CDC42EP2: variants seen among roughly 807,000 people sequenced by gnomAD.
The protein encoded by CDC42EP2 is CDC42 effector protein (Rho GTPase binding) 2.
In CDC42EP2, 5 loss-of-function variants were observed where a neutral mutation model predicts 7.3. The observed-to-expected ratio is 0.68, with a 90% CI of 0.36 to 1.44. The LOEUF is 1.44. Ranked by LOEUF, CDC42EP2 falls within the 40% of genes most tolerant of loss-of-function variation. The pLI is 0.04. For missense variants in CDC42EP2, 251 were observed against 282.6 expected, an observed-to-expected ratio of 0.89 and a Z score of 0.80; for synonymous variants, 113 against 123.6, an observed-to-expected ratio of 0.91 and a Z score of 0.57.
Position 65,320,801 on chromosome 11 carries a change from C to T in CDC42EP2, c.-98C>T, listed in dbSNP as rs553781731. ...GAGCTCTGGCACCTGCAAACCACCC[C>T]GTGGAACGAGTGTTTCCTCTGGCTG... is the stretch of plus-strand genomic sequence containing the variant. On this transcript the variant is annotated 5_prime_UTR_variant, in exon 2 of 2. Transcript: ENST00000279249. The T allele has an allele frequency of 3.1e-5, 42 of 1,348,798 alleles. 1 individual carries two copies. Among genetic ancestry groups the T allele is most frequent in the South Asian group, 8.5e-5 (6 of 70,530 alleles). The allele number at this position is 1,348,798 out of a possible 1,614,324, so 83.6% of individuals were successfully genotyped here. A position where few individuals can be genotyped will look rare whatever the true frequency, so the allele number is the denominator to read the frequency against.
At chr11:65,317,915 C>T (rs991585016) in intron 1 of CDC42EP2, among the ~76,000 whole-genome samples, 1 of 152,022 alleles carries the variant, frequency 6.6e-6, no homozygotes, top group East Asian at 1.9e-4. Context: ...ATATTACACA[C>T]ATTTATCATG....
intron 1 of CDC42EP2, among the ~76,000 whole-genome samples, chr11:65,316,244 G>A (rs941761486): frequency 1.3e-5 from 2 of 152,120 alleles, no homozygotes; most frequent in Non-Finnish European, 2.9e-5. Context: ...CCTGCCTGCC[G>A]GAAGTCATTT....
Position 65,315,774 on chromosome 11 carries a change from C to T in CDC42EP2, c.-356+820C>T, listed in dbSNP as rs1223388467. On this transcript the variant is annotated intron_variant, in intron 1 of 1. Transcript: ENST00000279249. The surrounding 1 kb of genome is among the most constrained non-coding windows in gnomAD (Gnocchi z 4.1). ...CTGGCGGCCGCGGAGCCGGGCACCT[C>T]TCCGGAGGCACCGGGACCCCGGGAG... Among the ~76,000 whole-genome samples the T allele has an allele frequency of 3.9e-5, 6 of 152,210 alleles. No individual in the cohort carries two copies. Among genetic ancestry groups the T allele is most frequent in the Admixed American group, 3.9e-4 (6 of 15,290 alleles).
Position 65,315,195 on chromosome 11 carries a change from A to G in CDC42EP2, c.-356+241A>G, listed in dbSNP as rs904643916. Among the ~76,000 whole-genome samples the G allele has an allele frequency of 2.0e-5, 3 of 151,762 alleles. No individual in the cohort carries two copies. Among genetic ancestry groups the G allele is most frequent in the South Asian group, 2.1e-4 (1 of 4,826 alleles). On this transcript the variant is annotated intron_variant, in intron 1 of 1. Coordinates refer to ENST00000279249, the MANE Select transcript of CDC42EP2 (RefSeq NM_006779.4). The surrounding 1 kb of genome is among the most constrained non-coding windows in gnomAD (Gnocchi z 4.1). ...CCCCGAATTCCCCGTTCTGCCCTCCATTTTGTGTCCGGGCCCCCGCCCCCC... is the reference window on the plus strand; with the variant it reads ...CCCCGAATTCCCCGTTCTGCCCTCCGTTTTGTGTCCGGGCCCCCGCCCCCC...
Position 65,320,930 on chromosome 11 carries a change from G to T in CDC42EP2, c.32G>T (p.Arg11Leu), listed in dbSNP as rs143861143. MSTKVPIYLKRGSRKGKKEKL... is the reference protein window; with the variant it reads MSTKVPIYLKLGSRKGKKEKL... ...ACCAAGGTGCCCATCTATCTGAAGC[G>T]TGGCAGTCGCAAGGGCAAGAAGGAG... The change falls in exon 2 of 2, where the codon CGT becomes CTT. Residue 11 changes from arginine (R) to leucine (L), a missense_variant. Transcript: ENST00000279249. 1.2e-6 allele frequency: 2 copies of T among 1,608,988 alleles called. No individual in the cohort carries two copies. The highest frequency in any genetic ancestry group is 1.7e-6 in the Non-Finnish European group (2 of 1,175,962).
At chr11:65,319,504 G>A (rs1420877894) in intron 1 of CDC42EP2, among the ~76,000 whole-genome samples, 6 of 152,158 alleles carry the variant, frequency 3.9e-5, no homozygotes, top group East Asian at 1.9e-4. Context: ...TGCAAAGAGC[G>A]CAGAAGAATT....
chr11:65,321,477 T>A lies in CDC42EP2; in HGVS notation c.579T>A (p.Asp193Glu). Reference sequence around the variant, plus strand: ...TGGACCTGGGGCCTTCCATCCTGGATGATGTCCTGCAGATCATGGATCAGG... The same window carrying A: ...TGGACCTGGGGCCTTCCATCCTGGAAGATGTCCTGCAGATCATGGATCAGG... Reference protein sequence around the residue: ...LHVDLGPSILDDVLQIMDQDL... With the variant: ...LHVDLGPSILEDVLQIMDQDL... The change falls in exon 2 of 2, where the codon GAT becomes GAA. Residue 193 changes from aspartate (D) to glutamate (E), a missense_variant. By Grantham distance (45) the Asp-to-Glu change is conservative (BLOSUM62 2). Transcript: ENST00000279249. This position sits in a 1 kb window ranked among gnomAD's most constrained non-coding sequence, Gnocchi z 4.4. 6.2e-7 allele frequency: 1 copy of A among 1,613,760 alleles called. No homozygotes were observed. The highest frequency in any genetic ancestry group is 8.5e-7 in the Non-Finnish European group (1 of 1,179,994).
intron 1 of CDC42EP2, among the ~76,000 whole-genome samples, chr11:65,316,263 G>A (rs1438152126): frequency 5.3e-5 from 8 of 152,104 alleles, no homozygotes; most frequent in Non-Finnish European, 1.2e-4. Flanking sequence ...TTTCTCATTG[G>A]GAGGTCCAGG....
Position 65,321,188 on chromosome 11 carries a change from C to T in CDC42EP2, c.290C>T (p.Pro97Leu), listed in dbSNP as rs763526695. The change falls in exon 2 of 2, where the codon CCG (proline) becomes CTG (leucine). Residue 97 changes from proline (P) to leucine (L), a missense_variant. Physicochemically the swap from Pro to Leu is moderately conservative, Grantham distance 98. Coordinates refer to ENST00000279249, the MANE Select transcript of CDC42EP2 (RefSeq NM_006779.4). This position sits in a 1 kb window ranked among gnomAD's most constrained non-coding sequence, Gnocchi z 4.4. ...GCCACCGTGTGTGGGCGGGAGCTCC[C>T]GGACGGCCCATCCCCTCTGCTCAAG... ...RTATVCGREL[P>L]DGPSPLLKNA... 8.1e-6 allele frequency: 13 copies of T among 1,614,028 alleles called. No homozygotes were observed. The highest frequency in any genetic ancestry group is 1.0e-5 in the Non-Finnish European group (12 of 1,179,974).
chr11:65,318,644 C>T (rs1399153351), intron 1 of CDC42EP2, among the ~76,000 whole-genome samples: 7 of 151,754 alleles, frequency 4.6e-5, no homozygotes, highest in African/African-American at 7.3e-5. Flanking sequence ...AGGATGGTCT[C>T]GATCTCCTGA....
At position 65,321,964 on chromosome 11, in the gene CDC42EP2, C is replaced by A; in HGVS notation, c.*433C>A. The A allele has an allele frequency of 5.4e-6, 1 of 186,188 alleles. No individual in the cohort carries two copies. Among genetic ancestry groups the A allele is most frequent in the Admixed American group, 5.5e-5 (1 of 18,086 alleles). 11.5% of individuals were successfully genotyped at this position (186,188 alleles called of 1,614,324 possible). On this transcript the variant is annotated 3_prime_UTR_variant, in exon 2 of 2. Transcript: ENST00000279249. This position sits in a 1 kb window ranked among gnomAD's most constrained non-coding sequence, Gnocchi z 4.4. ...AGCCACTGAGCAGGCTGTTCCGGGC[C>A]TTTGGCTTTGCATCCTGGACGGGGA...
intron 1 of CDC42EP2, among the ~76,000 whole-genome samples, chr11:65,318,624 C>T (rs1487681599): frequency 2.6e-5 from 4 of 151,942 alleles, no homozygotes; most frequent in African/African-American, 4.8e-5. Flanking sequence ...GGGGTTTCAC[C>T]GTGTTAGCCA....
chr11:65,320,418 C>T (rs542142), intron 1 of CDC42EP2, 126 bp from the exon 2 acceptor site: 14,973 of 155,710 alleles, frequency 0.096, 825 homozygotes, highest in South Asian at 0.17. Context: ...CTGCAGTGAG[C>T]TGAGATTGCG....
In CDC42EP2 at chr11:65,315,785, C is replaced by T. The variant is rs1284593428; in HGVS notation, c.-356+831C>T. 6.6e-6 allele frequency among the ~76,000 whole-genome samples: 1 copy of T among 152,198 alleles called. No homozygotes were observed. The highest frequency in any genetic ancestry group is 1.9e-4 in the East Asian group (1 of 5,174). On this transcript the variant is annotated intron_variant, in intron 1 of 1. Coordinates refer to ENST00000279249, the MANE Select transcript of CDC42EP2 (RefSeq NM_006779.4). The surrounding 1 kb of genome is among the most constrained non-coding windows in gnomAD (Gnocchi z 4.1). ...GGAGCCGGGCACCTCTCCGGAGGCA[C>T]CGGGACCCCGGGAGACCCAGCGGCC...
chr11:65,316,068 G>A (rs1949946722), intron 1 of CDC42EP2, among the ~76,000 whole-genome samples: 2 of 152,146 alleles, frequency 1.3e-5, no homozygotes, highest in Admixed American at 1.3e-4. Flanking sequence ...TGGTGGCTTC[G>A]TTGTCAGCCC....
chr11:65,316,884 A>G (rs1488806178), intron 1 of CDC42EP2, among the ~76,000 whole-genome samples: 1 of 152,030 alleles, frequency 6.6e-6, no homozygotes, highest in Non-Finnish European at 1.5e-5. Flanking sequence ...GGGACGCCCA[A>G]TTTGTTGTGG....
chr11:65,316,532 G>C (rs1949948615), intron 1 of CDC42EP2, among the ~76,000 whole-genome samples: 1 of 152,120 alleles, frequency 6.6e-6, no homozygotes, highest in Admixed American at 6.5e-5. Context: ...GGAAGTAGGC[G>C]TGGCCCACTG....
In CDC42EP2 at chr11:65,321,612, C is replaced by T. The variant is rs1031265794; in HGVS notation, c.*81C>T. The T allele has an allele frequency of 2.2e-6, 3 of 1,380,528 alleles. No individual in the cohort carries two copies. Among genetic ancestry groups the T allele is most frequent in the Non-Finnish European group, 2.0e-6 (2 of 1,007,750 alleles). The allele number at this position is 1,380,528 out of a possible 1,614,324, so 85.5% of individuals were successfully genotyped here. A position where few individuals can be genotyped will look rare whatever the true frequency, so the allele number is the denominator to read the frequency against. ...GTGGACCCGGCCCTGGCGGCGGAGTCAGGGTCCCAAGATCCCACCTGTATG... is the reference window on the plus strand; with the variant it reads ...GTGGACCCGGCCCTGGCGGCGGAGTTAGGGTCCCAAGATCCCACCTGTATG... On this transcript the variant is annotated 3_prime_UTR_variant, in exon 2 of 2. Coordinates refer to ENST00000279249, the MANE Select transcript of CDC42EP2 (RefSeq NM_006779.4). This position sits in a 1 kb window ranked among gnomAD's most constrained non-coding sequence, Gnocchi z 4.4.
At chr11:65,318,200 A>G (rs1949956454) in intron 1 of CDC42EP2, among the ~76,000 whole-genome samples, 1 of 151,100 alleles carries the variant, frequency 6.6e-6, no homozygotes, top group Admixed American at 6.6e-5. Context: ...GGTTCAAGCA[A>G]TTCTTCTGCC....
Sources: allele counts gnomAD v4.1 joint callset (sites outside exome capture counted in the v4.1 genomes callset), GRCh38; gene constraint gnomAD v4.1.1; non-coding constraint Gnocchi (gnomAD v3.1); transcripts MANE v1.5; gene names NCBI Gene and HGNC (gene_info 2026-07-23, HGNC 2026-07-21).